The following FARS2 variants were observed in gnomAD, a reference collection of about 807,000 sequenced individuals.
FARS2 encodes the protein phenylalanyl-tRNA synthetase 2, mitochondrial, also known as phenylalanine--tRNA ligase, mitochondrial.
In FARS2, 40 loss-of-function variants were observed where a neutral mutation model predicts 46.4. The observed-to-expected ratio is 0.86, with a 90% CI of 0.67 to 1.12. The LOEUF (loss-of-function observed/expected upper bound fraction) is 1.12. Ranked by LOEUF, FARS2 falls within the 50% of genes most tolerant of loss-of-function variation. The probability of loss-of-function intolerance (pLI) is 0.00; values close to 1 mark genes in which losing one functional copy is unlikely to be tolerated. For synonymous variants in FARS2, 234 were observed against 214.9 expected (o/e 1.09, Z -0.78); for missense variants, 513 against 567.9 (o/e 0.90, Z 0.98).
At chr6:5,388,714 A>G (rs550614460) in intron 2 of FARS2, among the ~76,000 whole-genome samples, 22 of 152,240 alleles carry the variant, frequency 1.4e-4, no homozygotes, top group Middle Eastern at 6.8e-3. Flanking sequence ...GTATTTGCTG[A>G]TGAATTCATA....
At chr6:5,256,491 G>GAAAAAAA (rs1161084364), upstream of FARS2, among the ~76,000 whole-genome samples, 2 of 43,860 alleles carry the variant, frequency 4.6e-5, no homozygotes, top group South Asian at 7.1e-4. Flanking sequence ...ATTTCAACTG[G>GAAAAAAA]AAAAAAAAAA....
chr6:5,380,630 G>A (rs927286939), intron 2 of FARS2, among the ~76,000 whole-genome samples: 2 of 152,162 alleles, frequency 1.3e-5, no homozygotes, highest in Admixed American at 6.5e-5. Flanking sequence ...CACTCGCATA[G>A]TGTTGAATTA....
intron 1 of FARS2, among the ~76,000 whole-genome samples, chr6:5,322,450 C>CT (rs1481642542): frequency 6.6e-6 from 1 of 152,194 alleles, no homozygotes; most frequent in Non-Finnish European, 1.5e-5. Context: ...AGCATGTTCT[C>CT]ATTGAGTAGT....
intron 4 of FARS2, among the ~76,000 whole-genome samples, chr6:5,536,020 C>CTTTACTTTAAACCTCTAGTTTTAA (rs1770170041): frequency 1.4e-5 from 2 of 145,044 alleles, no homozygotes; most frequent in South Asian, 4.5e-4. Flanking sequence ...GTGAAACTAT[C>CTTTACTTTAAACCTCTAGTTTTAA]TTTACTTTAA....
At chr6:5,387,648 G>A (rs1307598658) in intron 2 of FARS2, among the ~76,000 whole-genome samples, 1 of 152,226 alleles carries the variant, frequency 6.6e-6, no homozygotes, top group Non-Finnish European at 1.5e-5. Flanking sequence ...CATTGATCAA[G>A]TAATTAGGAA....
At chr6:5,716,590 A>G (rs1409539187) in intron 6 of FARS2, among the ~76,000 whole-genome samples, 2 of 152,202 alleles carry the variant, frequency 1.3e-5, no homozygotes, top group African/African-American at 4.8e-5. Flanking sequence ...GTCTACCTGG[A>G]GGGCCCACAG....
At chr6:5,548,499 A>G (rs1344090544) in intron 5 of FARS2, among the ~76,000 whole-genome samples, 2 of 152,244 alleles carry the variant, frequency 1.3e-5, no homozygotes, top group Non-Finnish European at 2.9e-5. Flanking sequence ...ATAAAGCTGT[A>G]TCTAATTTAC....
At chr6:5,729,619 G>A (rs1467161966) in intron 6 of FARS2, among the ~76,000 whole-genome samples, 1 of 151,980 alleles carries the variant, frequency 6.6e-6, no homozygotes, top group Non-Finnish European at 1.5e-5. Context: ...GTCCTCCTCG[G>A]TACTCAGAGG....
At chr6:5,675,273 C>A (rs1038535715) in intron 6 of FARS2, among the ~76,000 whole-genome samples, 2 of 151,870 alleles carry the variant, frequency 1.3e-5, no homozygotes, top group Non-Finnish European at 2.9e-5. Flanking sequence ...CACATGTGTG[C>A]TGTCAGTCCA....
chr6:5,729,901 C>T (rs1295090270), intron 6 of FARS2, among the ~76,000 whole-genome samples: 1 of 152,178 alleles, frequency 6.6e-6, no homozygotes, highest in African/African-American at 2.4e-5. Context: ...TGGGGGCTGA[C>T]CTGGGCACTG....
At chr6:5,637,097 A>G (rs551197923) in intron 6 of FARS2, among the ~76,000 whole-genome samples, 6 of 152,370 alleles carry the variant, frequency 3.9e-5, no homozygotes, top group Middle Eastern at 3.4e-3. Flanking sequence ...AGAGCCGAAT[A>G]GATGCATACA....
chr6:5,550,643 G>A (rs72817770), intron 5 of FARS2, among the ~76,000 whole-genome samples: 5,334 of 152,208 alleles, frequency 0.035, 192 homozygotes, highest in East Asian at 0.17. Context: ...GAAGAATTTG[G>A]GGAGTCAAAT....
At chr6:5,421,738 T>C (rs1166661944) in intron 3 of FARS2, among the ~76,000 whole-genome samples, 4 of 152,216 alleles carry the variant, frequency 2.6e-5, no homozygotes, top group Admixed American at 1.3e-4. Context: ...GTTACTTTGC[T>C]CCATTTCCGA....
At chr6:5,414,834 G>C (rs1420920727) in intron 3 of FARS2, among the ~76,000 whole-genome samples, 1 of 23,092 alleles carries the variant, frequency 4.3e-5, no homozygotes, top group Non-Finnish European at 8.8e-5. Flanking sequence ...TTTTTTTTTT[G>C]AGACAGAGTC....
At chr6:5,711,609 AG>A (rs140471282) in intron 6 of FARS2, among the ~76,000 whole-genome samples, 3,088 of 152,336 alleles carry the variant, frequency 0.02, 62 homozygotes, top group Middle Eastern at 0.048. Context: ...TCCACAAAAA[AG>A]AATCCCATAA....
At chr6:5,648,125 A>G (rs867944463) in intron 6 of FARS2, among the ~76,000 whole-genome samples, 1 of 152,356 alleles carries the variant, frequency 6.6e-6, no homozygotes, top group Middle Eastern at 3.4e-3. Context: ...TGGTTTGTGC[A>G]TAGTCCACAA....
intron 1 of FARS2, among the ~76,000 whole-genome samples, chr6:5,266,096 G>A (rs1765531078): frequency 6.6e-6 from 1 of 152,282 alleles, no homozygotes; most frequent in East Asian, 1.9e-4. Context: ...ATGTTTGAAT[G>A]TGGTGGTAAG....
intron 1 of FARS2, among the ~76,000 whole-genome samples, chr6:5,346,519 C>T (rs111457974): frequency 6.9e-4 from 105 of 152,292 alleles, no homozygotes; most frequent in Non-Finnish European, 1.3e-3. Context: ...GAAAATTTGA[C>T]ATTCAGGGTT....
At chr6:5,711,507 C>T (rs1038631413) in intron 6 of FARS2, among the ~76,000 whole-genome samples, 8 of 152,280 alleles carry the variant, frequency 5.3e-5, no homozygotes, top group East Asian at 1.9e-4. Flanking sequence ...GCTTCCACCA[C>T]GTGACCAAGG....
Sources: allele counts gnomAD v4.1 joint callset (sites outside exome capture counted in the v4.1 genomes callset), GRCh38; gene constraint gnomAD v4.1.1; transcripts MANE v1.5; gene names NCBI Gene and HGNC (gene_info 2026-07-23, HGNC 2026-07-21).